ROBO2: variants seen among roughly 807,000 people sequenced by gnomAD.
ROBO2 encodes roundabout homolog 2.
Under a neutral mutation model 160.8 loss-of-function variants are expected in ROBO2, and 53 were observed. The observed-to-expected ratio is 0.33, with a 90% CI of 0.26 to 0.41. The LOEUF (loss-of-function observed/expected upper bound fraction) is 0.41, where lower values mean the gene tolerates loss of function less well. Among genes scored for constraint, ROBO2 ranks in the 10% least tolerant of loss-of-function variants. ROBO2 has a pLI of 1.00. For missense variants in ROBO2, 1,577 were observed against 1,722.4 expected (o/e 0.92, Z 1.49); for synonymous variants, 664 against 611.7 (o/e 1.09, Z -1.26).
chr3:76,401,954 T>C (rs1430268970), intron 2 of ROBO2, among the ~76,000 whole-genome samples: 1 of 151,518 alleles, frequency 6.6e-6, no homozygotes, highest in Non-Finnish European at 1.5e-5. Flanking sequence ...AAGGCAGTTC[T>C]ATCATTTGAT....
chr3:77,250,908 T>C lies in ROBO2; in HGVS notation c.388+152568T>C, dbSNP rs528038846. On this transcript the variant is annotated intron_variant, in intron 2 of 25. Coordinates refer to ENST00000461745, the Ensembl canonical transcript of ROBO2. ...TCATGACTTAATCTCTTCTGAAAGA[T>C]CCTACTTCCCAACAGTGTTGTAGTG... Among the ~76,000 whole-genome samples the C allele has an allele frequency of 1.2e-4, 19 of 152,300 alleles. 1 individual carries two copies. The South Asian group carries it at 3.7e-3, about 30-fold the overall frequency.
chr3:77,331,906 A>G (rs1271789561), intron 2 of ROBO2, among the ~76,000 whole-genome samples: 2 of 151,908 alleles, frequency 1.3e-5, no homozygotes, highest in African/African-American at 4.8e-5. Context: ...GGGTTTCACC[A>G]TGTTGGTCAG....
intron 13 of ROBO2, among the ~76,000 whole-genome samples, 166 bp downstream of exon 14, chr3:77,568,600 A>G (rs1583003030): frequency 6.6e-6 from 1 of 152,212 alleles, no homozygotes; most frequent in South Asian, 2.1e-4. Flanking sequence ...TTACTAGAAT[A>G]ACCATAGTAA....
At chr3:76,969,429 C>T (rs1421419554) in intron 2 of ROBO2, among the ~76,000 whole-genome samples, 2 of 152,054 alleles carry the variant, frequency 1.3e-5, no homozygotes, top group Non-Finnish European at 2.9e-5. Context: ...TGCATTGTAT[C>T]GTTCCTAAGC....
chr3:77,186,747 T>C (rs6548485), intron 2 of ROBO2, among the ~76,000 whole-genome samples: 64,282 of 151,752 alleles, frequency 0.42, 14,009 homozygotes, highest in Middle Eastern at 0.56. Context: ...TCCAAAGATA[T>C]AACCTGGCTT....
intron 2 of ROBO2, among the ~76,000 whole-genome samples, chr3:76,463,884 C>G (rs1046347330): frequency 1.3e-5 from 2 of 152,156 alleles, no homozygotes; most frequent in Non-Finnish European, 1.5e-5. Flanking sequence ...CAAGTAAGGG[C>G]CTGTTCAACT....
In ROBO2 at chr3:76,144,536, C is replaced by T. The variant is rs529838244; in HGVS notation, c.109+206934C>T. 2.7e-4 allele frequency among the ~76,000 whole-genome samples: 41 copies of T among 152,094 alleles called. 3 individuals are homozygous for T. In the South Asian group the frequency reaches 7.7e-3, roughly 29 times the overall value. On this transcript the variant is annotated intron_variant, in intron 2 of 26. Transcript: ENST00000487694. ...ATTTCACTCAGATGGGTTTATACAT[C>T]CCTATGTGAATTAATTATAGGTTTT...
intron 21 of ROBO2, among the ~76,000 whole-genome samples, chr3:77,611,065 A>T (rs1384555520): frequency 1.3e-5 from 2 of 151,902 alleles, no homozygotes; most frequent in Non-Finnish European, 2.9e-5. Context: ...TTGGGAGGCC[A>T]AGGTGGGCGG....
At chr3:77,046,559 C>A (rs1346075536) in intron 1 of ROBO2, among the ~76,000 whole-genome samples, 1 of 152,174 alleles carries the variant, frequency 6.6e-6, no homozygotes, top group East Asian at 1.9e-4. Flanking sequence ...ACATGGAGAA[C>A]TGAAGCTTAG....
At chr3:77,370,441 C>T (rs534643656) in intron 2 of ROBO2, among the ~76,000 whole-genome samples, 27 of 152,286 alleles carry the variant, frequency 1.8e-4, no homozygotes, top group Admixed American at 5.9e-4. Flanking sequence ...GTTGAAGTCC[C>T]TTCTTAGTTG....
intron 2 of ROBO2, among the ~76,000 whole-genome samples, chr3:76,469,368 A>G (rs1272660709): frequency 1.7e-4 from 26 of 152,020 alleles, no homozygotes; most frequent in African/African-American, 2.4e-5. Flanking sequence ...TCATTCCTCA[A>G]TTTGTCCTCT....
Position 76,293,045 on chromosome 3 carries a change from AG to A in ROBO2, c.109+355444del, listed in dbSNP as rs772884328. Among the ~76,000 whole-genome samples, 23 of 152,022 alleles carry A rather than the reference AG, an allele frequency of 1.5e-4. 1 individual carries two copies. Among genetic ancestry groups the A allele is most frequent in the Non-Finnish European group, 1.5e-4 (10 of 68,016 alleles). On this transcript the variant is annotated intron_variant, in intron 2 of 26. Coordinates refer to the ROBO2 transcript ENST00000487694. ...AAGTGGCATTGTTAGGATATATAAA[AG>A]TTTTTGCTTTTATATTTTATAAATA...
chr3:76,076,311 G>A (rs1383934125), intron 2 of ROBO2, among the ~76,000 whole-genome samples: 2 of 152,038 alleles, frequency 1.3e-5, no homozygotes, highest in East Asian at 3.9e-4. Context: ...AAATTGCAAT[G>A]GCCTTTCACC....
intron 1 of ROBO2, among the ~76,000 whole-genome samples, chr3:75,919,489 G>C (rs1946940265): frequency 6.6e-6 from 1 of 152,058 alleles, no homozygotes; most frequent in East Asian, 1.9e-4. Flanking sequence ...ATATTGGCCT[G>C]AAATTTTCTT....
intron 2 of ROBO2, among the ~76,000 whole-genome samples, chr3:76,182,404 A>G (rs1001908957): frequency 6.6e-6 from 1 of 152,166 alleles, no homozygotes; most frequent in African/African-American, 2.4e-5. Context: ...TTTAGTTATT[A>G]TATTCAATGG....
chr3:77,560,660 T>A (rs1389369850), intron 9 of ROBO2, among the ~76,000 whole-genome samples: 2 of 152,138 alleles, frequency 1.3e-5, no homozygotes, highest in Non-Finnish European at 1.5e-5. Flanking sequence ...GCCAGCTAAT[T>A]GGTAACTGAA....
At chr3:77,645,712 ATTG>A (rs1431574837) in intron 25 of ROBO2, among the ~76,000 whole-genome samples, 7 of 152,202 alleles carry the variant, frequency 4.6e-5, no homozygotes, top group Admixed American at 4.6e-4. Context: ...CTCAGTTGTC[ATTG>A]TTGTTGACTA....
At chr3:77,537,775 A>ATCTATCTC (rs748271607) in intron 6 of ROBO2, among the ~76,000 whole-genome samples, 2 of 152,168 alleles carry the variant, frequency 1.3e-5, no homozygotes, top group Non-Finnish European at 1.5e-5. Context: ...AGCAAGGAAC[A>ATCTATCTC]TCTTAAATGG....
At chr3:76,275,605 G>A (rs1158171065) in intron 2 of ROBO2, among the ~76,000 whole-genome samples, 1 of 152,066 alleles carries the variant, frequency 6.6e-6, no homozygotes, top group Non-Finnish European at 1.5e-5. Flanking sequence ...TATTTCCCTA[G>A]ATGAAAACCC....
Sources: allele counts gnomAD v4.1 joint callset (sites outside exome capture counted in the v4.1 genomes callset), GRCh38; gene constraint gnomAD v4.1.1; transcripts MANE v1.5; gene names NCBI Gene and HGNC (gene_info 2026-07-23, HGNC 2026-07-21).